Variants in ZBTB7C observed in about 807,000 individuals in gnomAD.
ZBTB7C encodes zinc finger and BTB domain-containing protein 7C.
ZBTB7C carries 8 observed loss-of-function variants against 25.7 expected under a neutral mutation model. That is an observed-to-expected ratio of 0.31 (90% CI 0.18 to 0.56). The LOEUF is 0.56. Ranked by LOEUF, ZBTB7C falls within the 20% of genes least tolerant of loss-of-function variation. The pLI is 0.91. For missense variants in ZBTB7C, 824 were observed against 855.2 expected (o/e 0.96, Z 0.46); for synonymous variants, 394 against 369.0 (o/e 1.07, Z -0.78).
intron 3 of ZBTB7C, among the ~76,000 whole-genome samples, chr18:48,157,639 C>A (rs2040877541): frequency 6.6e-6 from 1 of 152,234 alleles, no homozygotes; most frequent in African/African-American, 2.4e-5. Context: ...AAGGCAGACT[C>A]TGCATCCTGG....
intron 3 of ZBTB7C, among the ~76,000 whole-genome samples, chr18:48,114,963 T>C (rs1283789525): frequency 1.3e-5 from 2 of 152,236 alleles, no homozygotes; most frequent in South Asian, 4.1e-4. Context: ...TTTAAATATA[T>C]AATTCTGTGG....
At chr18:48,320,432 T>C (rs2046061925) in intron 2 of ZBTB7C, among the ~76,000 whole-genome samples, 1 of 152,204 alleles carries the variant, frequency 6.6e-6, no homozygotes, top group Non-Finnish European at 1.5e-5. Flanking sequence ...CAGAGGATCC[T>C]GCTGTCCGCT....
intron 3 of ZBTB7C, among the ~76,000 whole-genome samples, chr18:48,075,815 C>A (rs1481783450): frequency 6.6e-6 from 1 of 152,216 alleles, no homozygotes; most frequent in Non-Finnish European, 1.5e-5. Context: ...GCTCTGTCCG[C>A]TAATCTCCCA....
Position 48,029,314 on chromosome 18 carries a change from G to A in ZBTB7C, c.1806C>T (p.Leu602=). 1.3e-6 allele frequency: 2 copies of A among 1,538,112 alleles called. No individual in the cohort carries two copies. Among genetic ancestry groups the A allele is most frequent in the Non-Finnish European group, 8.7e-7 (1 of 1,147,830 alleles). Residue 602 remains leucine, a synonymous_variant, in exon 5 of 5, where the codon CTC becomes CTT. Coordinates refer to ENST00000590800, the MANE Select transcript of ZBTB7C (RefSeq NM_001318841.2). ...CGTGGTTGAGGCCGGCGAGCCCAGGGAGGCCGGCCAGGCCGGCGGCCCAAG... is the reference window on the plus strand; with the variant it reads ...CGTGGTTGAGGCCGGCGAGCCCAGGAAGGCCGGCCAGGCCGGCGGCCCAAG... The part of the protein sequence containing the change: ...PDPWAAGLAG[L]PGLAGLNHVA...
rs532038447 is a variant in ZBTB7C, at chr18:48,143,067, C to A, written c.-17+42867G>T. ...TACCATGAACTCAGGTGGGTGAGTC[C>A]AGATCATTCAGCCCCATCCTTAGGC... On this transcript the variant is annotated intron_variant, in intron 3 of 4. Transcript: ENST00000590800. Among the ~76,000 whole-genome samples, 172 of 152,110 alleles carry A rather than the reference C, an allele frequency of 1.1e-3. 1 individual carries two copies. The highest frequency in any genetic ancestry group is 1.2e-3 in the Non-Finnish European group (84 of 68,012).
At chr18:48,055,654 A>G (rs1240213749) in intron 3 of ZBTB7C, among the ~76,000 whole-genome samples, 2 of 152,012 alleles carry the variant, frequency 1.3e-5, no homozygotes, top group East Asian at 3.9e-4. Flanking sequence ...CACTCTCCTG[A>G]TATTTGCTCC....
rs1000831206 is a variant in ZBTB7C at position 48,026,734 on chromosome 18, A to G, written c.*2526T>C. 39 of 136,664 alleles carry G rather than the reference A, an allele frequency of 2.9e-4. 1 individual carries two copies. The highest frequency in any genetic ancestry group is 1.1e-3 in the African/African-American group (37 of 34,256). 8.5% of individuals were successfully genotyped at this position (136,664 alleles called of 1,614,324 possible). On this transcript the variant is annotated 3_prime_UTR_variant, in exon 5 of 5. Coordinates refer to ENST00000590800, the MANE Select transcript of ZBTB7C (RefSeq NM_001318841.2). ...CCTTTAAAGTATAAAATAAGGGTCAAAGGTTTTTTTTTTTTTCTTTGTTAA... is the reference window on the plus strand; with the variant it reads ...CCTTTAAAGTATAAAATAAGGGTCAGAGGTTTTTTTTTTTTTCTTTGTTAA...
chr18:48,357,228 C>T (rs879838860), intron 1 of ZBTB7C, among the ~76,000 whole-genome samples: 1 of 152,158 alleles, frequency 6.6e-6, no homozygotes, highest in Admixed American at 6.5e-5. Context: ...CAGAATAGGT[C>T]GGGGGTGGCC....
At chr18:48,284,597 C>A (rs1296261651) in intron 2 of ZBTB7C, among the ~76,000 whole-genome samples, 1 of 152,058 alleles carries the variant, frequency 6.6e-6, no homozygotes. Flanking sequence ...TGCTTGAGAC[C>A]AAGCTGGCCA....
rs113152607 is a variant in ZBTB7C, at chr18:48,257,619, T to C, written c.-78-71624A>G. ...ATTACAAGAAAAGAAAACTACAGACTAATACCCTTCATGAACAAGATACAG... is the reference window on the plus strand; with the variant it reads ...ATTACAAGAAAAGAAAACTACAGACCAATACCCTTCATGAACAAGATACAG... On this transcript the variant is annotated intron_variant, in intron 2 of 4. Coordinates refer to ENST00000590800, the MANE Select transcript of ZBTB7C (RefSeq NM_001318841.2). 2.8e-3 allele frequency among the ~76,000 whole-genome samples: 430 copies of C among 152,218 alleles called. 2 individuals are homozygous for C. The highest frequency in any genetic ancestry group is 0.01 in the African/African-American group (421 of 41,538).
At chr18:48,089,517 G>A (rs1189667617) in intron 3 of ZBTB7C, among the ~76,000 whole-genome samples, 2 of 151,650 alleles carry the variant, frequency 1.3e-5, no homozygotes, top group African/African-American at 4.8e-5. Context: ...TTCAGAAAGT[G>A]GGGCCCTAGA....
chr18:48,311,175 C>A (rs1568368500), intron 2 of ZBTB7C, among the ~76,000 whole-genome samples: 1 of 152,134 alleles, frequency 6.6e-6, no homozygotes, highest in East Asian at 1.9e-4. Flanking sequence ...CCTAAGGCAG[C>A]AGATCCCAAG....
intron 2 of ZBTB7C, among the ~76,000 whole-genome samples, chr18:48,313,257 A>G (rs1040732200): frequency 6.6e-5 from 10 of 152,156 alleles, no homozygotes; most frequent in Non-Finnish European, 1.5e-4. Context: ...GGAAATGGAA[A>G]CCCTAGAGTT....
chr18:48,069,844 T>A (rs1208385631), intron 3 of ZBTB7C, among the ~76,000 whole-genome samples: 1 of 152,116 alleles, frequency 6.6e-6, no homozygotes, highest in Non-Finnish European at 1.5e-5. Context: ...AGAAAGAAGA[T>A]CTGATAACAG....
At chr18:48,339,826 G>A (rs1223343821) in intron 1 of ZBTB7C, among the ~76,000 whole-genome samples, 1 of 152,164 alleles carries the variant, frequency 6.6e-6, no homozygotes, top group Non-Finnish European at 1.5e-5. Flanking sequence ...ACAAGAATGT[G>A]GAGGCTCCTA....
intron 1 of ZBTB7C, among the ~76,000 whole-genome samples, chr18:48,345,128 G>A (rs2046697342): frequency 6.6e-6 from 1 of 152,156 alleles, no homozygotes; most frequent in African/African-American, 2.4e-5. Flanking sequence ...TGGAAGGCTG[G>A]TGCTATCACC....
intron 3 of ZBTB7C, among the ~76,000 whole-genome samples, chr18:48,183,064 T>C (rs2041968008): frequency 6.6e-6 from 1 of 152,216 alleles, no homozygotes; most frequent in Non-Finnish European, 1.5e-5. Flanking sequence ...ATCAATTGTT[T>C]ATATAGTAAC....
intron 3 of ZBTB7C, among the ~76,000 whole-genome samples, chr18:48,151,939 G>A (rs2040691627): frequency 6.6e-6 from 1 of 152,192 alleles, no homozygotes; most frequent in Admixed American, 6.5e-5. Flanking sequence ...TGGGACAAAG[G>A]TGAGTGACAG....
intron 3 of ZBTB7C, among the ~76,000 whole-genome samples, chr18:48,123,174 C>T (rs763783949): frequency 1.3e-5 from 2 of 152,162 alleles, no homozygotes; most frequent in African/African-American, 2.4e-5. Context: ...GATCACCCAT[C>T]AAGTGATCAC....
Sources: allele counts gnomAD v4.1 joint callset (sites outside exome capture counted in the v4.1 genomes callset), GRCh38; gene constraint gnomAD v4.1.1; transcripts MANE v1.5; gene names NCBI Gene and HGNC (gene_info 2026-07-23, HGNC 2026-07-21).